Variants in PRKAR1B observed in about 807,000 individuals in gnomAD.
The protein encoded by PRKAR1B is protein kinase cAMP-dependent type I regulatory subunit beta.
In PRKAR1B, 22 loss-of-function variants were observed where a neutral mutation model predicts 46.5. The observed-to-expected ratio is 0.47, with a 90% confidence interval of 0.34 to 0.68. The LOEUF (loss-of-function observed/expected upper bound fraction) is 0.68. Ranked by LOEUF, PRKAR1B falls within the 30% of genes least tolerant of loss-of-function variation. The probability of loss-of-function intolerance (pLI) is 0.01; values close to 1 mark genes in which losing one functional copy is unlikely to be tolerated. For missense variants in PRKAR1B, 445 were observed against 535.6 expected (o/e 0.83, Z 1.67); for synonymous variants, 259 against 217.7 (o/e 1.19, Z -1.67).
At chr7:629,464 C>T (rs1783609502) in intron 4 of PRKAR1B, among the ~76,000 whole-genome samples, 1 of 128,568 alleles carries the variant, frequency 7.8e-6, no homozygotes, top group Admixed American at 7.4e-5. Flanking sequence ...GGCGCCACCA[C>T]CCCAGGGCTG....
chr7:665,302 G>T (rs1450081843), intron 4 of PRKAR1B, among the ~76,000 whole-genome samples: 2 of 152,150 alleles, frequency 1.3e-5, no homozygotes, highest in Non-Finnish European at 2.9e-5. Context: ...TCCCAGCCAG[G>T]TCAAAGTCCC....
intron 9 of PRKAR1B, among the ~76,000 whole-genome samples, chr7:561,448 G>C: frequency 6.6e-6 from 1 of 152,206 alleles, no homozygotes; most frequent in Non-Finnish European, 1.5e-5. Flanking sequence ...TTCACCTGAA[G>C]CTCCCTTCCA....
chr7:550,547 C>T lies in PRKAR1B; in HGVS notation c.1029G>A (p.Gly343=), dbSNP rs375580300. ...RPRAATVVAR[G]PLKCVKLDRP... The stretch of plus-strand genomic sequence containing the variant: ...GGTCCAGCTTCACACACTTGAGGGG[C>T]CCCCGGGCCACGACAGTGGCCGCCC... Residue 343 remains glycine (G), a synonymous_variant, in exon 11 of 11, where the codon GGG becomes GGA. Transcript: ENST00000537384. The T allele has an allele frequency of 3.7e-6, 6 of 1,603,124 alleles. No homozygotes were observed. Among genetic ancestry groups the T allele is most frequent in the Admixed American group, 1.7e-5 (1 of 58,596 alleles).
rs10586228 is a variant in PRKAR1B at position 685,385 on chromosome 7, C to CATATATATAT, written c.178-4669_178-4660dup. On this transcript the variant is annotated intron_variant, in intron 2 of 10. Transcript: ENST00000537384. Reference sequence around the variant, plus strand: ...ATATACACATATATATATATACATACATATATATATATATATGTATATATA... The same window carrying CATATATATAT: ...ATATACACATATATATATATACATACATATATATATATATATATATATATATGTATATATA... Among the ~76,000 whole-genome samples, 26 of 79,498 alleles carry CATATATATAT rather than the reference C, an allele frequency of 3.3e-4. 1 individual carries two copies. The highest frequency in any genetic ancestry group is 4.5e-4 in the African/African-American group (8 of 17,690). The allele number at this position is 79,498 out of a possible 152,430, so 52.2% of individuals were successfully genotyped here.
Position 721,356 on chromosome 7 carries a change from A to G in PRKAR1B, c.-23+5854T>C, listed in dbSNP as rs139460565. On this transcript the variant is annotated intron_variant, in intron 1 of 10. Transcript: ENST00000537384. ...GCCCCAGCCCTCTTCTGTTAAAATT[A>G]TCTTTCTGGGCCGGGCACGGTGGCT... Among the ~76,000 whole-genome samples the G allele has an allele frequency of 5.9e-3, 898 of 152,248 alleles. 12 individuals are homozygous for G. Among genetic ancestry groups the G allele is most frequent in the African/African-American group, 0.02 (846 of 41,530 alleles).
intron 8 of PRKAR1B, among the ~76,000 whole-genome samples, chr7:583,547 CAA>C (rs1455487132): frequency 9.3e-5 from 5 of 53,874 alleles, no homozygotes; most frequent in South Asian, 3.3e-4. Flanking sequence ...ACACACGTGC[CAA>C]ACACATGCGT....
intron 2 of PRKAR1B, among the ~76,000 whole-genome samples, chr7:700,660 A>G (rs1415135536): frequency 6.6e-6 from 1 of 152,128 alleles, no homozygotes; most frequent in African/African-American, 2.4e-5. Context: ...AAGAAATCAA[A>G]TTTATTTAAA....
At chr7:673,391 T>G (rs973229947) in intron 4 of PRKAR1B, among the ~76,000 whole-genome samples, 1 of 152,136 alleles carries the variant, frequency 6.6e-6, no homozygotes, top group Non-Finnish European at 1.5e-5. Flanking sequence ...GGCTCACGCC[T>G]GTAATCCCAG....
intron 9 of PRKAR1B, chr7:578,903 A>T: frequency 1.6e-6 from 1 of 608,290 alleles, no homozygotes; most frequent in Non-Finnish European, 2.3e-6. Context: ...GCTGGTCTCG[A>T]ACTCCTGACC....
At chr7:551,492 C>A in intron 9 of PRKAR1B, 22 bp from the exon 10 acceptor site, 1 of 1,549,560 alleles carries the variant, frequency 6.5e-7, no homozygotes, top group Non-Finnish European at 8.7e-7. Flanking sequence ...GGTGGACAGA[C>A]GTGAGTGCCA....
intron 1 of PRKAR1B, among the ~76,000 whole-genome samples, chr7:715,797 G>C (rs1263758664): frequency 6.6e-6 from 1 of 150,956 alleles, no homozygotes; most frequent in Non-Finnish European, 1.5e-5. Flanking sequence ...CTCACTGCAA[G>C]CTCCGCCTCC....
chr7:582,031 T>C (rs1449259726), intron 8 of PRKAR1B, among the ~76,000 whole-genome samples: 2 of 152,250 alleles, frequency 1.3e-5, no homozygotes, highest in Admixed American at 6.5e-5. Context: ...TTTTTTATTT[T>C]GCACAGATGG....
At chr7:710,527 C>T (rs1297535902) in intron 2 of PRKAR1B, among the ~76,000 whole-genome samples, 1 of 152,124 alleles carries the variant, frequency 6.6e-6, no homozygotes, top group East Asian at 1.9e-4. Context: ...CAGGCCTGAG[C>T]TTCTCCCCGA....
At position 560,389 on chromosome 7, in the gene PRKAR1B, T is replaced by A. The variant is rs142903427; in HGVS notation, c.892-8919A>T. Among the ~76,000 whole-genome samples, 65 of 146,218 alleles carry A rather than the reference T, an allele frequency of 4.4e-4. No homozygotes were observed. The highest frequency in any genetic ancestry group is 1.2e-3 in the East Asian group (6 of 5,014). On this transcript the variant is annotated intron_variant, in intron 9 of 10. Coordinates refer to ENST00000537384, the MANE Select transcript of PRKAR1B (RefSeq NM_001164760.2). This position sits in a 1 kb window ranked among gnomAD's most constrained non-coding sequence, Gnocchi z 4.2. ...ATAATAATAATAATAATAATAATAATAAATATATTTTAAAAGAAACTTTGT... is the reference window on the plus strand; with the variant it reads ...ATAATAATAATAATAATAATAATAAAAAATATATTTTAAAAGAAACTTTGT...
chr7:592,567 G>A (rs1479826443), intron 7 of PRKAR1B, among the ~76,000 whole-genome samples: 2 of 152,252 alleles, frequency 1.3e-5, no homozygotes, highest in African/African-American at 4.8e-5. Context: ...CGGGGGCTGA[G>A]GGGCGGGGAG....
In PRKAR1B at chr7:629,098, A is replaced by T. The variant is rs1783584258; in HGVS notation, c.441-21646T>A. Among the ~76,000 whole-genome samples the T allele has an allele frequency of 2.6e-5, 4 of 152,236 alleles. No individual in the cohort carries two copies. In the South Asian group the frequency reaches 8.3e-4, roughly 32 times the overall value. ...GCAGAAGATGAGAAGCCCTGGAGAC[A>T]TTCCCAAGCCTGGCTGCCTTCCTCA... On this transcript the variant is annotated intron_variant, in intron 4 of 10. Transcript: ENST00000537384.
At chr7:557,556 G>A (rs1475332698) in intron 9 of PRKAR1B, among the ~76,000 whole-genome samples, 3 of 152,228 alleles carry the variant, frequency 2.0e-5, no homozygotes, top group Non-Finnish European at 4.4e-5. Flanking sequence ...GAACAGCAGA[G>A]GAGGGAGAAA....
At chr7:634,684 G>A (rs1431329420) in intron 4 of PRKAR1B, among the ~76,000 whole-genome samples, 1 of 151,274 alleles carries the variant, frequency 6.6e-6, no homozygotes, top group Non-Finnish European at 1.5e-5. Context: ...CTTTCACCCA[G>A]GCTAGAGTGC....
chr7:677,675 T>A (rs1778412677), intron 3 of PRKAR1B, among the ~76,000 whole-genome samples: 1 of 151,928 alleles, frequency 6.6e-6, no homozygotes, highest in Non-Finnish European at 1.5e-5. Context: ...AATCCTCCCA[T>A]CTCAGCCTCC....
Sources: gnomAD v4.1 joint callset for allele counts (sites outside exome capture counted in the v4.1 genomes callset) on GRCh38, gnomAD v4.1.1 for gene constraint, Gnocchi (gnomAD v3.1) non-coding constraint, MANE v1.5 for transcripts, NCBI Gene and HGNC (gene_info 2026-07-23, HGNC 2026-07-21) for gene names.